BCL2: variants seen among roughly 807,000 people sequenced by gnomAD.
BCL2 encodes BCL2 apoptosis regulator.
BCL2 carries 1 observed loss-of-function variant against 14.2 expected under a neutral mutation model. That is an observed-to-expected ratio of 0.07 (90% confidence interval 0.02 to 0.33). BCL2 has a LOEUF of 0.33. Among genes scored for constraint, BCL2 ranks in the 10% least tolerant of loss-of-function variants. BCL2 has a pLI of 0.99. For synonymous variants in BCL2, 151 were observed against 137.2 expected, an observed-to-expected ratio of 1.10 and a Z score of -0.70; for missense variants, 247 against 305.9, an observed-to-expected ratio of 0.81 and a Z score of 1.44.
At chr18:63,271,336 A>T (rs1209173805) in intron 2 of BCL2, among the ~76,000 whole-genome samples, 3 of 152,218 alleles carry the variant, frequency 2.0e-5, no homozygotes, top group Admixed American at 2.0e-4. Context: ...CCTTCTCCAG[A>T]TGAATGACAA....
intron 2 of BCL2, among the ~76,000 whole-genome samples, chr18:63,271,699 T>C (rs960429928): frequency 1.3e-5 from 2 of 152,224 alleles, no homozygotes; most frequent in African/African-American, 4.8e-5. Context: ...AAAGATTTTC[T>C]ATCCCTAGGC....
In BCL2 at chr18:63,130,081, G is replaced by T. The variant is rs554893222; in HGVS notation, c.586-1322C>A. Among the ~76,000 whole-genome samples, 331 of 152,278 alleles carry T rather than the reference G, an allele frequency of 2.2e-3. 2 individuals are homozygous for T. Among genetic ancestry groups the T allele is most frequent in the African/African-American group, 7.8e-3 (325 of 41,544 alleles). On this transcript the variant is annotated intron_variant, in intron 2 of 2. Coordinates refer to ENST00000333681, the MANE Select transcript of BCL2 (RefSeq NM_000633.3). ...TCTACCCTCTGGATGGGCTTGGATT[G>T]AGCAAATCACCAATTGCTCATTTCC... is the stretch of plus-strand genomic sequence containing the variant.
At chr18:63,208,491 A>T (rs1909907371) in intron 2 of BCL2, among the ~76,000 whole-genome samples, 1 of 152,218 alleles carries the variant, frequency 6.6e-6, no homozygotes, top group Non-Finnish European at 1.5e-5. Flanking sequence ...ACACAAATCC[A>T]GAGAAAGGAG....
At chr18:63,164,508 A>G (rs1914995603) in intron 2 of BCL2, among the ~76,000 whole-genome samples, 1 of 152,202 alleles carries the variant, frequency 6.6e-6, no homozygotes, top group Non-Finnish European at 1.5e-5. Context: ...AAGTACCATG[A>G]GGCTTTTAGG....
intron 2 of BCL2, among the ~76,000 whole-genome samples, chr18:63,207,097 C>T (rs865954047): frequency 4.6e-5 from 7 of 152,156 alleles, no homozygotes; most frequent in Admixed American, 6.5e-5. Flanking sequence ...ACTAGGAATA[C>T]AGTTTTATGA....
chr18:63,317,948 C>G, intron 2 of BCL2, 134 bp downstream of exon 2: 1 of 1,474,652 alleles, frequency 6.8e-7, no homozygotes, highest in Non-Finnish European at 9.0e-7. Context: ...GGTAGGGACG[C>G]CGGGAAGCAA....
intron 2 of BCL2, among the ~76,000 whole-genome samples, chr18:63,214,745 C>T (rs966663451): frequency 1.3e-5 from 2 of 152,084 alleles, no homozygotes; most frequent in African/African-American, 4.8e-5. Flanking sequence ...TACGCTCACT[C>T]TGTCACCCAG....
Position 63,175,727 on chromosome 18 carries a change from G to C in BCL2, c.586-46968C>G, listed in dbSNP as rs1050937904. ...AGGTGCCCAAAAATACTCTCAGGGAGACAAAGTTGTCTGGAGCTCCACGCC... is the reference window on the plus strand; with the variant it reads ...AGGTGCCCAAAAATACTCTCAGGGACACAAAGTTGTCTGGAGCTCCACGCC... On this transcript the variant is annotated intron_variant, in intron 2 of 2. Coordinates refer to ENST00000333681, the MANE Select transcript of BCL2 (RefSeq NM_000633.3). Among the ~76,000 whole-genome samples the C allele has an allele frequency of 3.3e-5, 5 of 152,178 alleles. No individual in the cohort carries two copies. The South Asian group carries it at 6.2e-4, about 19-fold the overall frequency.
rs536087403 is a variant in BCL2, at chr18:63,127,956, G to T, written c.*669C>A. The T allele has an allele frequency of 4.4e-6, 1 of 224,888 alleles. No individual in the cohort carries two copies. Among genetic ancestry groups the T allele is most frequent in the South Asian group, 1.8e-4 (1 of 5,418 alleles). 13.9% of individuals were successfully genotyped at this position (224,888 alleles called of 1,614,324 possible). Reference sequence around the variant, plus strand: ...GGCATTTTTCCCATCGCTGTCCTTCGGCGTGGAAATCTCAGTGGGTACTAG... The same window carrying T: ...GGCATTTTTCCCATCGCTGTCCTTCTGCGTGGAAATCTCAGTGGGTACTAG... On this transcript the variant is annotated 3_prime_UTR_variant, in exon 3 of 3. Coordinates refer to ENST00000333681, the MANE Select transcript of BCL2 (RefSeq NM_000633.3).
intron 2 of BCL2, among the ~76,000 whole-genome samples, chr18:63,236,118 G>C (rs1278773096): frequency 1.3e-5 from 2 of 152,096 alleles, no homozygotes; most frequent in African/African-American, 2.4e-5. Context: ...TTTATAAATG[G>C]GAGTTCCCCT....
chr18:63,294,747 G>T (rs1214392293), intron 2 of BCL2, among the ~76,000 whole-genome samples: 1 of 152,094 alleles, frequency 6.6e-6, no homozygotes, highest in African/African-American at 2.4e-5. Flanking sequence ...TTCATAGAAG[G>T]TATAAGACAG....
Position 63,271,078 on chromosome 18 carries a change from T to C in BCL2, c.585+47004A>G, listed in dbSNP as rs151098767. Among the ~76,000 whole-genome samples the C allele has an allele frequency of 1.9e-3, 288 of 152,310 alleles. 1 individual carries two copies. The highest frequency in any genetic ancestry group is 6.8e-3 in the African/African-American group (283 of 41,570). ...CTCAAGTGATCCACCCACCTCGGCC[T>C]TCCGAAGTGCTGAGATTACAAGCAT... On this transcript the variant is annotated intron_variant, in intron 2 of 2. Coordinates refer to ENST00000333681, the MANE Select transcript of BCL2 (RefSeq NM_000633.3).
intron 2 of BCL2, among the ~76,000 whole-genome samples, chr18:63,131,165 A>G (rs1481461680): frequency 6.6e-6 from 1 of 152,162 alleles, no homozygotes; most frequent in Non-Finnish European, 1.5e-5. Flanking sequence ...ATCACAGACC[A>G]TAGAAGAACA....
At chr18:63,204,163 T>C (rs781184809) in intron 2 of BCL2, among the ~76,000 whole-genome samples, 1 of 152,230 alleles carries the variant, frequency 6.6e-6, no homozygotes, top group Non-Finnish European at 1.5e-5. Context: ...AGATTATCTA[T>C]TGGAGCATTA....
chr18:63,273,195 C>T (rs1377776833), intron 2 of BCL2, among the ~76,000 whole-genome samples: 6 of 152,182 alleles, frequency 3.9e-5, no homozygotes, highest in African/African-American at 1.4e-4. Flanking sequence ...ACGCCAGGGT[C>T]GGAATGCTTT....
rs1914581629 is a variant in BCL2, at chr18:63,149,060, G to C, written c.586-20301C>G. On this transcript the variant is annotated intron_variant, in intron 2 of 2. Coordinates refer to ENST00000333681, the MANE Select transcript of BCL2 (RefSeq NM_000633.3). The surrounding 1 kb of genome is among the most constrained non-coding windows in gnomAD (Gnocchi z 4.2). The stretch of plus-strand genomic sequence containing the variant: ...AGCCACGAAGTCATAAGTGTGCATG[G>C]AGCAGCGACGTGCTTATGCTGACAC... 6.6e-6 allele frequency among the ~76,000 whole-genome samples: 1 copy of C among 152,214 alleles called. No individual in the cohort carries two copies. The highest frequency in any genetic ancestry group is 1.5e-5 in the Non-Finnish European group (1 of 68,044).
intron 2 of BCL2, among the ~76,000 whole-genome samples, chr18:63,292,935 T>C (rs899983057): frequency 6.6e-6 from 1 of 152,154 alleles, no homozygotes; most frequent in African/African-American, 2.4e-5. Flanking sequence ...AGGTGATGAG[T>C]AATAATAGCG....
intron 2 of BCL2, among the ~76,000 whole-genome samples, chr18:63,131,481 T>A (rs1599198213): frequency 1.3e-5 from 2 of 152,252 alleles, no homozygotes; most frequent in African/African-American, 4.8e-5. Context: ...TAAGCAGGGA[T>A]CAGTGGGGCA....
chr18:63,242,605 C>A (rs1911038767), intron 2 of BCL2, among the ~76,000 whole-genome samples: 1 of 152,118 alleles, frequency 6.6e-6, no homozygotes, highest in Admixed American at 6.5e-5. Flanking sequence ...TGCCAGTTCA[C>A]CACAATCCCT....
Sources: allele counts gnomAD v4.1 joint callset (sites outside exome capture counted in the v4.1 genomes callset), GRCh38; gene constraint gnomAD v4.1.1; non-coding constraint Gnocchi (gnomAD v3.1); transcripts MANE v1.5; gene names NCBI Gene and HGNC (gene_info 2026-07-23, HGNC 2026-07-21).